Variants in RASGRP3 observed in about 807,000 individuals in gnomAD.
The protein encoded by RASGRP3 is RAS guanyl releasing protein 3.
Under a neutral mutation model 82.7 loss-of-function variants are expected in RASGRP3, and 54 were observed. The ratio of observed to expected loss-of-function variants is 0.65; its 90% CI spans 0.52 to 0.82. RASGRP3 has a LOEUF of 0.82. Ranked by LOEUF, RASGRP3 falls within the 40% of genes least tolerant of loss-of-function variation. The probability of loss-of-function intolerance (pLI) is 0.00; values close to 1 mark genes in which losing one functional copy is unlikely to be tolerated. For synonymous variants in RASGRP3, 309 were observed against 300.5 expected (o/e 1.03, Z -0.29); for missense variants, 861 against 828.9 (o/e 1.04, Z -0.48).
rs1671484540 is a variant in RASGRP3, at chr2:33,516,543, T to C, written c.72T>C (p.Asp24=). 6.5e-7 allele frequency: 1 copy of C among 1,547,318 alleles called. No individual in the cohort carries two copies. The highest frequency in any genetic ancestry group is 1.4e-5 in the African/African-American group (1 of 73,754). Residue 24 remains aspartate (D), a splice_region_variant and synonymous_variant, in exon 4 of 18, where the codon GAT becomes GAC. Transcript: ENST00000403687. ...ELLCTCIEMF[D]DNGELDNSYL... Reference sequence around the variant, plus strand: ...CTTCTTGTTTTATTTTTCTAACAGATGACAATGGAGAGCTGGATAATAGTT... The same window carrying C: ...CTTCTTGTTTTATTTTTCTAACAGACGACAATGGAGAGCTGGATAATAGTT...
chr2:33,515,513 G>A (rs1360461817), intron 3 of RASGRP3, among the ~76,000 whole-genome samples: 1 of 152,136 alleles, frequency 6.6e-6, no homozygotes, highest in East Asian at 1.9e-4. Context: ...CCTCTCAGAT[G>A]TTCATAGTAC....
Position 33,480,042 on chromosome 2 carries a change from ATTTT to A in RASGRP3, c.-261+3352_-261+3355del, listed in dbSNP as rs397868583. On this transcript the variant is annotated intron_variant, in intron 1 of 17. Coordinates refer to ENST00000403687, the MANE Select transcript of RASGRP3 (RefSeq NM_001139488.2). ...AAGCTATTTATAGCATGAAAGAGGAATTTTTTTTTTTTTTTTTTTTGAGACAGTC... is the reference window on the plus strand; with the variant it reads ...AAGCTATTTATAGCATGAAAGAGGAATTTTTTTTTTTTTTTTGAGACAGTC... 5.3e-3 allele frequency among the ~76,000 whole-genome samples: 704 copies of A among 131,860 alleles called. 6 individuals carry two copies. Among genetic ancestry groups the A allele is most frequent in the African/African-American group, 0.018 (643 of 34,872 alleles). The allele number at this position is 131,860 out of a possible 152,430, so 86.5% of individuals were successfully genotyped here. A position where few individuals can be genotyped will look rare whatever the true frequency, so the allele number is the denominator to read the frequency against.
chr2:33,479,684 C>T (rs1004169099), intron 1 of RASGRP3, among the ~76,000 whole-genome samples: 1 of 152,158 alleles, frequency 6.6e-6, no homozygotes, highest in Non-Finnish European at 1.5e-5. Flanking sequence ...CTTCTCCACA[C>T]ACCAGTTGCA....
chr2:33,498,443 C>T (rs719546), intron 1 of RASGRP3, among the ~76,000 whole-genome samples: 12,467 of 152,164 alleles, frequency 0.082, 556 homozygotes, highest in Middle Eastern at 0.12. Context: ...CAGTAAAGAA[C>T]GAGTAAAATG....
rs1188308877 is a variant in RASGRP3, at chr2:33,556,466, C to G, written c.1579+899C>G. Among the ~76,000 whole-genome samples the G allele has an allele frequency of 2.1e-5, 3 of 139,620 alleles. 1 individual carries two copies. Among genetic ancestry groups the G allele is most frequent in the African/African-American group, 8.9e-5 (3 of 33,732 alleles). The allele number at this position is 139,620 out of a possible 152,430, so 91.6% of individuals were successfully genotyped here. On this transcript the variant is annotated intron_variant, in intron 15 of 17. Coordinates refer to ENST00000403687, the MANE Select transcript of RASGRP3 (RefSeq NM_001139488.2). ...GTTTCACCTTGTTAGCCAGGATGGT[C>G]TCGATCTCCTGACCTCATGATCCAC...
intron 4 of RASGRP3, among the ~76,000 whole-genome samples, chr2:33,517,555 A>C (rs1413528799): frequency 2.0e-5 from 3 of 152,156 alleles, no homozygotes; most frequent in Non-Finnish European, 4.4e-5. Context: ...AGCTTCCTCC[A>C]CTTTCTACTT....
intron 4 of RASGRP3, among the ~76,000 whole-genome samples, chr2:33,518,512 C>T (rs1004923531): frequency 6.6e-6 from 1 of 152,058 alleles, no homozygotes; most frequent in Non-Finnish European, 1.5e-5. Flanking sequence ...TACACTTAGG[C>T]TACACCAAAT....
chr2:33,553,621 C>G (rs1675588019), intron 14 of RASGRP3, among the ~76,000 whole-genome samples: 1 of 152,134 alleles, frequency 6.6e-6, no homozygotes, highest in Admixed American at 6.6e-5. Context: ...CCACCACTGC[C>G]CTTTTCTGGA....
chr2:33,477,022 A>G (rs1374778556), intron 1 of RASGRP3, among the ~76,000 whole-genome samples: 1 of 144,734 alleles, frequency 6.9e-6, no homozygotes, highest in East Asian at 2.0e-4. Flanking sequence ...AGATTTTTCT[A>G]GTCCATGGTG....
rs1052408031 is a variant in RASGRP3 at position 33,468,073 on chromosome 2, C to T, written c.-261+20130C>T. ...CTTAGTGTACATGATTTGTTTTTTT[C>T]TCTTTGTGTAGATGATTGAAGTACT... On this transcript the variant is annotated intron_variant, in intron 2 of 18. Transcript: ENST00000402538. Among the ~76,000 whole-genome samples the T allele has an allele frequency of 1.6e-4, 18 of 109,290 alleles. No homozygotes were observed. In the East Asian group the frequency reaches 5.0e-3, roughly 30 times the overall value. 71.7% of individuals were successfully genotyped at this position (109,290 alleles called of 152,430 possible).
rs563530209 is a variant in RASGRP3, at chr2:33,505,289, C to T, written c.-260-6421C>T. Among the ~76,000 whole-genome samples the T allele has an allele frequency of 8.0e-5, 12 of 150,384 alleles. No individual in the cohort carries two copies. In the South Asian group the frequency reaches 2.3e-3, roughly 29 times the overall value. On this transcript the variant is annotated intron_variant, in intron 1 of 17. Transcript: ENST00000403687. ...CCAGGTACTTCCAGAGCATTAGGACCGCAGACAGGATTTTTTTTTTTTTTT... is the reference window on the plus strand; with the variant it reads ...CCAGGTACTTCCAGAGCATTAGGACTGCAGACAGGATTTTTTTTTTTTTTT...
intron 2 of RASGRP3, among the ~76,000 whole-genome samples, chr2:33,468,330 T>C (rs1666845606): frequency 6.7e-6 from 1 of 148,684 alleles, no homozygotes; most frequent in Non-Finnish European, 1.5e-5. Flanking sequence ...GGGATTGTAC[T>C]GAATAAACTT....
chr2:33,556,073 C>G (rs1344506644), intron 15 of RASGRP3, among the ~76,000 whole-genome samples: 2 of 152,038 alleles, frequency 1.3e-5, no homozygotes, highest in Non-Finnish European at 2.9e-5. Context: ...AGTTTATAAA[C>G]AATTGAATCA....
At chr2:33,558,536 T>C (rs539663196) in intron 16 of RASGRP3, 136 bp from the exon 17 acceptor site, 9 of 1,116,484 alleles carry the variant, frequency 8.1e-6, no homozygotes, top group African/African-American at 1.6e-5. Flanking sequence ...GTAACTTGCC[T>C]GCGGCTAATT....
At chr2:33,455,695 G>A (rs1317977) in intron 2 of RASGRP3, among the ~76,000 whole-genome samples, 44,373 of 152,216 alleles carry the variant, frequency 0.29, 7,634 homozygotes, top group African/African-American at 0.47. Context: ...CTGTTTTCCC[G>A]ATAAGATTGA....
chr2:33,441,348 G>A (rs1011815717), intron 1 of RASGRP3, among the ~76,000 whole-genome samples: 5 of 151,874 alleles, frequency 3.3e-5, no homozygotes, highest in Non-Finnish European at 5.9e-5. Context: ...ATTAGATCGT[G>A]CAATTTTTAG....
In RASGRP3 at chr2:33,530,497, C is replaced by CATT. The variant is rs1491365740; in HGVS notation, c.1083+3085_1083+3086insATT. ...AGTGTAACATCACCCCTGCCCCTTCCTTTTTTTTTTTTTTTTTTTTTTTTA... is the reference window on the plus strand; with the variant it reads ...AGTGTAACATCACCCCTGCCCCTTCCATTTTTTTTTTTTTTTTTTTTTTTTTTA... On this transcript the variant is annotated intron_variant, in intron 10 of 17. Coordinates refer to ENST00000403687, the MANE Select transcript of RASGRP3 (RefSeq NM_001139488.2). Among the ~76,000 whole-genome samples the CATT allele has an allele frequency of 1.2e-3, 139 of 117,084 alleles. 1 individual carries two copies. Among genetic ancestry groups the CATT allele is most frequent in the African/African-American group, 4.4e-3 (128 of 28,840 alleles). The allele number at this position is 117,084 out of a possible 152,430, so 76.8% of individuals were successfully genotyped here.
intron 1 of RASGRP3, among the ~76,000 whole-genome samples, chr2:33,508,949 G>A (rs1670662694): frequency 6.6e-6 from 1 of 152,112 alleles, no homozygotes; most frequent in Admixed American, 6.6e-5. Context: ...TATTGTTATG[G>A]TCTAGTTACA....
chr2:33,519,046 G>T (rs1195809676), intron 4 of RASGRP3, among the ~76,000 whole-genome samples: 2 of 152,118 alleles, frequency 1.3e-5, no homozygotes, highest in Non-Finnish European at 2.9e-5. Context: ...TTATTCTCAA[G>T]TATCATATAC....
Sources: allele counts gnomAD v4.1 joint callset (sites outside exome capture counted in the v4.1 genomes callset), GRCh38; gene constraint gnomAD v4.1.1; transcripts MANE v1.5; gene names NCBI Gene and HGNC (gene_info 2026-07-23, HGNC 2026-07-21).